Variants in TEX11 observed in about 807,000 individuals in gnomAD.
TEX11 encodes the protein testis-expressed protein 11.
TEX11 carries 7 observed loss-of-function variants against 84.4 expected under a neutral mutation model. The observed-to-expected ratio is 0.08, with a 90% confidence interval of 0.05 to 0.16. The LOEUF is 0.16. Ranked by LOEUF, TEX11 falls within the 10% of genes least tolerant of loss-of-function variation. TEX11 has a pLI of 1.00. For missense variants in TEX11, 551 were observed against 660.5 expected, an observed-to-expected ratio of 0.83 and a Z score of 1.82; for synonymous variants, 264 against 222.8, an observed-to-expected ratio of 1.18 and a Z score of -1.64.
intron 25 of TEX11, among the ~76,000 whole-genome samples, chrX:70,568,810 C>G (rs781128128): frequency 0.011 from 1,238 of 110,773 alleles, 22 homozygotes; most frequent in African/African-American, 0.038. Flanking sequence ...TGTGGGTAAC[C>G]CGACCTTTCT....
In TEX11 at chrX:70,711,948, T is replaced by C. The variant is rs2147701067; in HGVS notation, c.1004+10670A>G. Among the ~76,000 whole-genome samples, 2 of 111,934 alleles carry C rather than the reference T, an allele frequency of 1.8e-5. 1 individual carries two copies. Among genetic ancestry groups the C allele is most frequent in the South Asian group, 7.5e-4 (2 of 2,661 alleles). ...GTCTAACATTCAAATCTTTAAACCATCTTGAATTAATTTTAGTATAAGGTG... is the reference window on the plus strand; with the variant it reads ...GTCTAACATTCAAATCTTTAAACCACCTTGAATTAATTTTAGTATAAGGTG... On this transcript the variant is annotated intron_variant, in intron 13 of 29. Transcript: ENST00000374333.
At chrX:70,515,524 T>A in the TEX11 span, among the ~76,000 whole-genome samples, 2 of 112,527 alleles carry the variant, frequency 1.8e-5, no homozygotes, top group Non-Finnish European at 3.8e-5. Context: ...CTATCACTGA[T>A]GGACATTTGG....
At chrX:70,783,594 A>C (rs988111874) in intron 9 of TEX11, among the ~76,000 whole-genome samples, 2 of 111,934 alleles carry the variant, frequency 1.8e-5, no homozygotes, top group Non-Finnish European at 3.8e-5. Flanking sequence ...CTAACAAAGA[A>C]GAAAAGAAAG....
intron 25 of TEX11, among the ~76,000 whole-genome samples, chrX:70,581,453 C>T (rs2088774778): frequency 9.1e-6 from 1 of 109,326 alleles, no homozygotes; most frequent in African/African-American, 3.3e-5. Context: ...CATGTACCAC[C>T]ACACCCGGCT....
Position 70,640,206 on chromosome X carries a change from G to A in TEX11, c.1484-10471C>T, listed in dbSNP as rs1436487293. On this transcript the variant is annotated intron_variant, in intron 17 of 29. Transcript: ENST00000374333. Reference sequence around the variant, plus strand: ...GAAATGAATGAAATGAAGCGAGAAGGAAAGTTTAGAGAAAAAAGAATAAAA... The same window carrying A: ...GAAATGAATGAAATGAAGCGAGAAGAAAAGTTTAGAGAAAAAAGAATAAAA... Among the ~76,000 whole-genome samples the A allele has an allele frequency of 4.7e-3, 509 of 109,169 alleles. 4 individuals are homozygous for A. Among genetic ancestry groups the A allele is most frequent in the Non-Finnish European group, 7.5e-3 (393 of 52,250 alleles). The allele number at this position is 109,169 out of a possible 115,157, so 94.8% of individuals were successfully genotyped here.
chrX:70,723,357 C>T (rs1226423175), intron 12 of TEX11, among the ~76,000 whole-genome samples: 1 of 110,668 alleles, frequency 9.0e-6, no homozygotes, highest in Admixed American at 9.7e-5. Context: ...TATTGTGCAA[C>T]CATTAAAACT....
Position 70,675,566 on chromosome X carries a change from CCTCT to C in TEX11, c.1242+3234_1242+3237del, listed in dbSNP as rs780619543. Among the ~76,000 whole-genome samples the C allele has an allele frequency of 6.8e-5, 7 of 102,873 alleles. No homozygotes were observed. The South Asian group carries it at 2.2e-3, about 33-fold the overall frequency. The allele number at this position is 102,873 out of a possible 115,157, so 89.3% of individuals were successfully genotyped here. A position where few individuals can be genotyped will look rare whatever the true frequency, so the allele number is the denominator to read the frequency against. ...TTTCTTTTTCTTTTTCTTTTCTTTT[CCTCT>C]CTCTCTCTCTCTTCTTTCTCTTCTC... On this transcript the variant is annotated intron_variant, in intron 15 of 29. Transcript: ENST00000374333.
At chrX:70,823,686 C>A (rs1254988527) in intron 8 of TEX11, among the ~76,000 whole-genome samples, 1 of 111,388 alleles carries the variant, frequency 9.0e-6, no homozygotes, top group Non-Finnish European at 1.9e-5. Flanking sequence ...CTCTTAATGG[C>A]CAAATGTAGA....
intron 13 of TEX11, among the ~76,000 whole-genome samples, chrX:70,693,328 T>C (rs1448346746): frequency 8.9e-6 from 1 of 111,965 alleles, no homozygotes; most frequent in East Asian, 2.8e-4. Context: ...AGGTGTGAGG[T>C]GATATCTCAT....
intron 7 of TEX11, among the ~76,000 whole-genome samples, chrX:70,834,202 A>AC (rs896490220): frequency 9.1e-6 from 1 of 110,247 alleles, no homozygotes; most frequent in African/African-American, 3.3e-5. Context: ...AAAAAAAAAA[A>AC]AAATTTTAAG....
intron 8 of TEX11, among the ~76,000 whole-genome samples, chrX:70,809,212 GT>G (rs1219688451): frequency 8.9e-6 from 1 of 111,868 alleles, no homozygotes; most frequent in Non-Finnish European, 1.9e-5. Context: ...CTAAAAAGAA[GT>G]TTACATAATT....
intron 28 of TEX11, among the ~76,000 whole-genome samples, chrX:70,545,136 C>CGG (rs1333358527): frequency 0.014 from 1,490 of 110,229 alleles, 12 homozygotes; most frequent in Non-Finnish European, 0.023. Context: ...ACCCGGGAGG[C>CGG]AGATGTTGCA....
intron 24 of TEX11, among the ~76,000 whole-genome samples, chrX:70,604,762 T>A (rs905537255): frequency 9.0e-6 from 1 of 111,345 alleles, no homozygotes; most frequent in African/African-American, 3.3e-5. Flanking sequence ...ACAAAAATGC[T>A]ATTGGTCTGA....
intron 17 of TEX11, 99 bp downstream of exon 17, chrX:70,651,351 T>C: frequency 1.9e-6 from 1 of 517,079 alleles, no homozygotes. Context: ...TATTCAATTC[T>C]ATTGTCTTAA....
chrX:70,805,062 G>A (rs1463507219), intron 9 of TEX11, among the ~76,000 whole-genome samples: 1 of 101,977 alleles, frequency 9.8e-6, no homozygotes, highest in Non-Finnish European at 2.0e-5. Flanking sequence ...AACTTTGTGA[G>A]TGTTCTACTC....
intron 25 of TEX11, among the ~76,000 whole-genome samples, chrX:70,570,216 CG>C (rs1431183847): frequency 8.9e-6 from 1 of 112,145 alleles, no homozygotes; most frequent in Non-Finnish European, 1.9e-5. Context: ...GAGCCAGGTG[CG>C]GGATATAATC....
chrX:70,720,712 C>T (rs962307957), intron 13 of TEX11, among the ~76,000 whole-genome samples: 2 of 106,974 alleles, frequency 1.9e-5, no homozygotes, highest in African/African-American at 6.8e-5. Flanking sequence ...AATTTCAGTC[C>T]TTTTCTTGAA....
chrX:70,526,581 A>G (rs1459665285), downstream of TEX11, among the ~76,000 whole-genome samples: 1 of 110,614 alleles, frequency 9.0e-6, no homozygotes, highest in African/African-American at 3.3e-5. Context: ...AAAAAAAAAA[A>G]AAGAAAGAAA....
chrX:70,718,627 A>T (rs2090528005), intron 13 of TEX11, among the ~76,000 whole-genome samples: 1 of 112,052 alleles, frequency 8.9e-6, no homozygotes, highest in African/African-American at 3.2e-5. Flanking sequence ...ACAGTTCAAA[A>T]AATATATCTT....
Sources: gnomAD v4.1 joint callset for allele counts (sites outside exome capture counted in the v4.1 genomes callset) on GRCh38, gnomAD v4.1.1 for gene constraint, MANE v1.5 for transcripts, NCBI Gene and HGNC (gene_info 2026-07-23, HGNC 2026-07-21) for gene names.